The following MYH9 variants were observed in gnomAD, a reference collection of about 807,000 sequenced individuals.
MYH9 encodes myosin heavy chain 9.
Under a neutral mutation model 241.9 loss-of-function variants are expected in MYH9, and 29 were observed. The observed-to-expected ratio is 0.12, with a 90% confidence interval of 0.09 to 0.16. The LOEUF (loss-of-function observed/expected upper bound fraction) is 0.16. MYH9 is among the 10% of genes least tolerant of loss of function. MYH9 has a pLI of 1.00. For synonymous variants in MYH9, 1,047 were observed against 1,062.6 expected, an observed-to-expected ratio of 0.99 and a Z score of 0.29; for missense variants, 1,803 against 2,595.5, an observed-to-expected ratio of 0.69 and a Z score of 6.63.
At chr22:36,363,576 T>C (rs945585671) in intron 1 of MYH9, among the ~76,000 whole-genome samples, 6 of 152,172 alleles carry the variant, frequency 3.9e-5, no homozygotes. Flanking sequence ...AGATAAGTCA[T>C]CTACACTGGA....
At chr22:36,331,923 A>G (rs919432015) in intron 3 of MYH9, among the ~76,000 whole-genome samples, 8 of 152,250 alleles carry the variant, frequency 5.3e-5, no homozygotes, top group African/African-American at 1.9e-4. Flanking sequence ...AATCTGAGAC[A>G]AATGGGACCA....
chr22:36,286,548 C>T lies in MYH9; in HGVS notation c.5061+170G>A, dbSNP rs576808762. 2.0e-5 allele frequency among the ~76,000 whole-genome samples: 3 copies of T among 152,322 alleles called. No homozygotes were observed. The South Asian group carries it at 6.2e-4, about 32-fold the overall frequency. ...CACACACTCTGATCATACGAGGGAG[C>T]CCCGCTATGAAACGGAACCCTGGAG... On this transcript the variant is annotated intron_variant, in intron 35 of 40. Transcript: ENST00000216181.
chr22:36,328,440 TC>T (rs1433552894), intron 3 of MYH9, among the ~76,000 whole-genome samples: 2 of 152,214 alleles, frequency 1.3e-5, no homozygotes, highest in Non-Finnish European at 2.9e-5. Context: ...TCTAATAGCC[TC>T]ACCGTCCTTG....
intron 31 of MYH9, among the ~76,000 whole-genome samples, chr22:36,290,391 T>TA (rs1379314422): frequency 6.7e-6 from 1 of 149,464 alleles, no homozygotes; most frequent in Non-Finnish European, 1.5e-5. Context: ...CAAACTATAA[T>TA]TAAATAATTA....
intron 35 of MYH9, among the ~76,000 whole-genome samples, chr22:36,286,216 C>A (rs1050452340): frequency 3.3e-5 from 5 of 152,236 alleles, no homozygotes; most frequent in Admixed American, 1.3e-4. Flanking sequence ...AGTGTCCTGG[C>A]CTAACCAGGG....
At chr22:36,294,681 GAAGTC>G (rs1337930992) in intron 27 of MYH9, among the ~76,000 whole-genome samples, 1 of 152,256 alleles carries the variant, frequency 6.6e-6, no homozygotes, top group African/African-American at 2.4e-5. Flanking sequence ...AAGCCTGTCT[GAAGTC>G]TGATGTTCAA....
At position 36,285,550 on chromosome 22, in the gene MYH9, T is replaced by A. The variant is rs2016564918; in HGVS notation, c.5274+108A>T. ...GCCTGGACATTTTCCCCTAAGCGCCTGGGGAGCAGCTGGCACTTGGCCTGT... is the reference window on the plus strand; with the variant it reads ...GCCTGGACATTTTCCCCTAAGCGCCAGGGGAGCAGCTGGCACTTGGCCTGT... On this transcript the variant is annotated intron_variant, in intron 37 of 40. Transcript: ENST00000216181. The surrounding 1 kb of genome is among the most constrained non-coding windows in gnomAD (Gnocchi z 7.0). 1.9e-6 allele frequency: 3 copies of A among 1,547,298 alleles called. No homozygotes were observed. Among genetic ancestry groups the A allele is most frequent in the East Asian group, 4.6e-5 (2 of 43,396 alleles).
At position 36,300,669 on chromosome 22, in the gene MYH9, G is replaced by A. The variant is rs55633261; in HGVS notation, c.2838+182C>T. ...CCAGGCAGTGCTCATGGAGATCTCA[G>A]ATGCACATGTCACAAACTACCAGCC... On this transcript the variant is annotated intron_variant, in intron 22 of 40. Transcript: ENST00000216181. The surrounding 1 kb of genome is among the most constrained non-coding windows in gnomAD (Gnocchi z 5.0). 0.056 allele frequency among the ~76,000 whole-genome samples: 8,551 copies of A among 152,246 alleles called. 869 individuals carry two copies. Among genetic ancestry groups the A allele is most frequent in the African/African-American group, 0.2 (8,249 of 41,506 alleles).
chr22:36,311,182 T>C (rs372471550), intron 14 of MYH9, among the ~76,000 whole-genome samples: 3 of 152,348 alleles, frequency 2.0e-5, no homozygotes, highest in African/African-American at 7.2e-5. Flanking sequence ...GCACACGATA[T>C]GCTGAGAAAA....
rs2017239329 is a variant in MYH9 at position 36,320,906 on chromosome 22, T to C, written c.770-10A>G. On this transcript the variant is annotated splice_polypyrimidine_tract_variant and intron_variant, in intron 7 of 40. Transcript: ENST00000216181. This position sits in a 1 kb window ranked among gnomAD's most constrained non-coding sequence, Gnocchi z 4.8. ...GATTTCTCCAAAAGATCTTTGCAAA[T>C]ATTAAGGAGCAACACAAGCTGGGGA... 3 of 1,610,828 alleles carry C rather than the reference T, an allele frequency of 1.9e-6. No individual in the cohort carries two copies. Among genetic ancestry groups the C allele is most frequent in the Non-Finnish European group, 2.5e-6 (3 of 1,177,642 alleles).
chr22:36,324,967 T>G, intron 5 of MYH9: 2 of 690,140 alleles, frequency 2.9e-6, no homozygotes, highest in Non-Finnish European at 5.3e-6. Context: ...GTCTCCTGTC[T>G]TTCAGGACAG....
At chr22:36,381,192 AAT>A (rs1181963683) in intron 1 of MYH9, among the ~76,000 whole-genome samples, 3 of 152,120 alleles carry the variant, frequency 2.0e-5, no homozygotes, top group Non-Finnish European at 2.9e-5. Context: ...AGTTAAGAAA[AAT>A]AAGAAATAGC....
chr22:36,354,062 G>A (rs1330233510), intron 1 of MYH9, among the ~76,000 whole-genome samples: 2 of 151,874 alleles, frequency 1.3e-5, no homozygotes, highest in Non-Finnish European at 2.9e-5. Flanking sequence ...CACCACGCCT[G>A]GCTAATTTTT....
chr22:36,310,972 C>T (rs2017054434), intron 14 of MYH9, among the ~76,000 whole-genome samples: 1 of 152,038 alleles, frequency 6.6e-6, no homozygotes, highest in South Asian at 2.1e-4. Context: ...TTCCGCAGCC[C>T]CAGGAACCAG....
chr22:36,353,280 C>T (rs563777301), intron 1 of MYH9, among the ~76,000 whole-genome samples: 1 of 152,308 alleles, frequency 6.6e-6, no homozygotes, highest in East Asian at 1.9e-4. Context: ...CAGCGGGATA[C>T]CCGGGAGGTA....
chr22:36,374,346 C>T (rs1323007060), intron 1 of MYH9, among the ~76,000 whole-genome samples: 6 of 152,300 alleles, frequency 3.9e-5, no homozygotes, highest in Non-Finnish European at 7.3e-5. Context: ...ATGACAAAAC[C>T]CCATCTCTAC....
chr22:36,286,192 G>A, intron 35 of MYH9: 1 of 610,696 alleles, frequency 1.6e-6, no homozygotes, highest in Non-Finnish European at 2.9e-6. Flanking sequence ...GCCAGGGTAT[G>A]GCGATAAGTA....
At chr22:36,382,990 G>A (rs1205399891) in intron 1 of MYH9, among the ~76,000 whole-genome samples, 1 of 152,092 alleles carries the variant, frequency 6.6e-6, no homozygotes, top group African/African-American at 2.4e-5. Flanking sequence ...AGAGGCTGAG[G>A]CAGGAGGGTT....
chr22:36,359,053 T>A (rs1333419410), intron 1 of MYH9, among the ~76,000 whole-genome samples: 1 of 152,184 alleles, frequency 6.6e-6, no homozygotes, highest in East Asian at 1.9e-4. Context: ...GTCCTTTGTA[T>A]TAGGAACCCT....
Sources: allele counts gnomAD v4.1 joint callset (sites outside exome capture counted in the v4.1 genomes callset), GRCh38; gene constraint gnomAD v4.1.1; non-coding constraint Gnocchi (gnomAD v3.1); transcripts MANE v1.5; gene names NCBI Gene and HGNC (gene_info 2026-07-23, HGNC 2026-07-21).